Variants in EPHA6 observed in about 807,000 individuals in gnomAD.
EPHA6 encodes the protein ephrin type-A receptor 6.
EPHA6 carries 50 observed loss-of-function variants against 112.0 expected under a neutral mutation model. The observed-to-expected ratio is 0.45, with a 90% CI of 0.36 to 0.56. The LOEUF (loss-of-function observed/expected upper bound fraction) is 0.56, where lower values mean the gene tolerates loss of function less well. Ranked by LOEUF, EPHA6 falls within the 20% of genes least tolerant of loss-of-function variation. The pLI is 0.00. For synonymous variants in EPHA6, 529 were observed against 490.7 expected (o/e 1.08, Z -1.03); for missense variants, 1,280 against 1,417.4 (o/e 0.90, Z 1.56).
At position 96,987,906 on chromosome 3, in the gene EPHA6, T is replaced by C. The variant is rs764907962; in HGVS notation, c.1027T>C (p.Tyr343His). 5 of 1,613,794 alleles carry C rather than the reference T, an allele frequency of 3.1e-6. No homozygotes were observed. In the Admixed American group the frequency reaches 6.7e-5, roughly 22 times the overall value. Residue 343 changes from tyrosine (Y) to histidine (H), a missense_variant, in exon 3 of 18, where the codon TAT becomes CAT. Tyr to His is a moderately conservative substitution (Grantham distance 83). Transcript: ENST00000389672. The part of the protein sequence containing the change: ...SAEERDTPKL[Y>H]CGADGDWLVP... ...TGAAGAGCGTGACACTCCTAAACTGTATTGTGGAGCTGATGGAGATTGGCT... is the reference window on the plus strand; with the variant it reads ...TGAAGAGCGTGACACTCCTAAACTGCATTGTGGAGCTGATGGAGATTGGCT...
intron 6 of EPHA6, among the ~76,000 whole-genome samples, chr3:97,430,699 A>G (rs950933146): frequency 3.3e-5 from 5 of 152,258 alleles, no homozygotes; most frequent in African/African-American, 1.2e-4. Context: ...CTTTAATGAG[A>G]TAAATTTTAA....
At chr3:97,436,094 A>G (rs1007411047) in intron 6 of EPHA6, among the ~76,000 whole-genome samples, 1 of 152,056 alleles carries the variant, frequency 6.6e-6, no homozygotes, top group Non-Finnish European at 1.5e-5. Flanking sequence ...CCTTTATTTT[A>G]TGTTATTTTA....
intron 15 of EPHA6, among the ~76,000 whole-genome samples, chr3:97,733,592 T>C (rs890379631): frequency 5.3e-5 from 8 of 152,008 alleles, no homozygotes; most frequent in African/African-American, 1.2e-4. Context: ...ACGATAAGCA[T>C]AGAAAATTTA....
chr3:97,697,478 T>A (rs1483552415), intron 14 of EPHA6, among the ~76,000 whole-genome samples: 1 of 152,116 alleles, frequency 6.6e-6, no homozygotes, highest in African/African-American at 2.4e-5. Flanking sequence ...TAGGAACAAG[T>A]GGGATGCTTC....
At chr3:97,311,500 TTTG>T (rs2081561395) in intron 5 of EPHA6, among the ~76,000 whole-genome samples, 1 of 151,270 alleles carries the variant, frequency 6.6e-6, no homozygotes, top group South Asian at 2.1e-4. Flanking sequence ...AATATTTTGA[TTTG>T]TTTTTTGTAT....
At chr3:97,081,035 T>G (rs1576452189) in intron 3 of EPHA6, among the ~76,000 whole-genome samples, 1 of 152,058 alleles carries the variant, frequency 6.6e-6, no homozygotes, top group East Asian at 1.9e-4. Flanking sequence ...TGGAGGTGAC[T>G]TGCTATAGTT....
intron 11 of EPHA6, chr3:97,572,873 T>C (rs2093348221): frequency 6.6e-6 from 1 of 152,198 alleles, no homozygotes; most frequent in South Asian, 2.1e-4. Context: ...GAAATTTAAA[T>C]CAGAAATATT....
At chr3:96,911,650 A>G (rs1252146717) in intron 2 of EPHA6, among the ~76,000 whole-genome samples, 1 of 152,002 alleles carries the variant, frequency 6.6e-6, no homozygotes, top group African/African-American at 2.4e-5. Context: ...GTCTCATATT[A>G]TTACTTATAA....
chr3:97,677,721 T>TAAAAAAA (rs34686159), intron 14 of EPHA6, among the ~76,000 whole-genome samples: 1 of 92,788 alleles, frequency 1.1e-5, no homozygotes, highest in Non-Finnish European at 2.1e-5. Context: ...AACTCCATCT[T>TAAAAAAA]AAAAAAAAAA....
At chr3:97,474,344 GTTTAA>G (rs1464984135) in intron 7 of EPHA6, among the ~76,000 whole-genome samples, 1 of 151,742 alleles carries the variant, frequency 6.6e-6, no homozygotes, top group Admixed American at 6.6e-5. Flanking sequence ...TAAAAAACAA[GTTTAA>G]TTTAAGTTAA....
intron 5 of EPHA6, among the ~76,000 whole-genome samples, chr3:97,276,229 G>A (rs1290710303): frequency 6.6e-6 from 1 of 152,110 alleles, no homozygotes; most frequent in Non-Finnish European, 1.5e-5. Context: ...CGAGGCGATC[G>A]GGCAGTGTCA....
intron 3 of EPHA6, among the ~76,000 whole-genome samples, chr3:97,166,399 A>G (rs566109452): frequency 6.6e-6 from 1 of 152,074 alleles, no homozygotes; most frequent in East Asian, 1.9e-4. Flanking sequence ...ACGTGTGTAT[A>G]ATGGCTTCTA....
Position 97,758,531 on chromosome 3 carries a change from T to G in EPHA6, c.*9830T>G, listed in dbSNP as rs2036078862. On this transcript the variant is annotated 3_prime_UTR_variant, in exon 18 of 18. Coordinates refer to ENST00000389672, the MANE Select transcript of EPHA6 (RefSeq NM_001080448.3). Reference sequence around the variant, plus strand: ...ACACTACCATGTACCATTGTCCTGTTCGAAGCACTGAGGATACATGGTGAC... The same window carrying G: ...ACACTACCATGTACCATTGTCCTGTGCGAAGCACTGAGGATACATGGTGAC... Among the ~76,000 whole-genome samples, 1 of 151,986 alleles carries G rather than the reference T, an allele frequency of 6.6e-6. No individual in the cohort carries two copies. The highest frequency in any genetic ancestry group is 1.5e-5 in the Non-Finnish European group (1 of 67,884).
intron 3 of EPHA6, among the ~76,000 whole-genome samples, chr3:97,015,585 A>G (rs532255590): frequency 6.6e-6 from 1 of 152,216 alleles, no homozygotes; most frequent in Non-Finnish European, 1.5e-5. Context: ...ATATATATAC[A>G]TGATTACTTA....
chr3:97,715,594 T>G (rs2034181553), intron 14 of EPHA6, among the ~76,000 whole-genome samples: 1 of 152,228 alleles, frequency 6.6e-6, no homozygotes. Context: ...TAAGTGTTCT[T>G]GCTTCTCTAC....
In EPHA6 at chr3:97,120,520, A is replaced by T. The variant is rs1050903737; in HGVS notation, c.1115-105744A>T. On this transcript the variant is annotated intron_variant, in intron 3 of 17. Coordinates refer to ENST00000389672, the MANE Select transcript of EPHA6 (RefSeq NM_001080448.3). ...CAAGTTGATAATGGACTGAGTCACCACTTCTTCTAGGCAACTGCTAACATG... is the reference window on the plus strand; with the variant it reads ...CAAGTTGATAATGGACTGAGTCACCTCTTCTTCTAGGCAACTGCTAACATG... 1.3e-5 allele frequency among the ~76,000 whole-genome samples: 2 copies of T among 151,944 alleles called. 1 individual carries two copies. Among genetic ancestry groups the T allele is most frequent in the African/African-American group, 4.8e-5 (2 of 41,426 alleles).
chr3:97,474,647 T>C (rs541258458), intron 7 of EPHA6, among the ~76,000 whole-genome samples: 6 of 152,134 alleles, frequency 3.9e-5, no homozygotes, highest in African/African-American at 1.4e-4. Flanking sequence ...TTAAATGATA[T>C]ATGTTAAAAG....
intron 3 of EPHA6, among the ~76,000 whole-genome samples, chr3:97,055,135 A>G (rs931722901): frequency 1.3e-5 from 2 of 152,152 alleles, no homozygotes; most frequent in Non-Finnish European, 2.9e-5. Context: ...TTGCATCAGA[A>G]TGGCCTGGGT....
At chr3:97,071,791 A>G (rs2046366418) in intron 3 of EPHA6, among the ~76,000 whole-genome samples, 1 of 151,566 alleles carries the variant, frequency 6.6e-6, no homozygotes, top group Non-Finnish European at 1.5e-5. Context: ...TTCTTTAATG[A>G]TTATTTTGTG....
Sources: gnomAD v4.1 joint callset for allele counts (sites outside exome capture counted in the v4.1 genomes callset) on GRCh38, gnomAD v4.1.1 for gene constraint, MANE v1.5 for transcripts, NCBI Gene and HGNC (gene_info 2026-07-23, HGNC 2026-07-21) for gene names.